CHIA: variants seen among roughly 807,000 people sequenced by gnomAD.
CHIA encodes acidic mammalian chitinase.
In CHIA, 47 loss-of-function variants were observed where a neutral mutation model predicts 53.5. The observed-to-expected ratio is 0.88, with a 90% CI of 0.70 to 1.12. The LOEUF is 1.12. Ranked by LOEUF, CHIA falls within the 50% of genes most tolerant of loss-of-function variation. The pLI is 0.00. For missense variants in CHIA, 652 were observed against 592.2 expected (o/e 1.10, Z -1.05); for synonymous variants, 268 against 222.2 (o/e 1.21, Z -1.83).
chr1:111,319,344 C>T lies in CHIA; in HGVS notation c.1053C>T (p.His351=). Residue 351 remains histidine, a synonymous_variant, in exon 11 of 12, where the codon CAC becomes CAT. Coordinates refer to ENST00000369740, the MANE Select transcript of CHIA (RefSeq NM_201653.4). ...SFDIKAQWLK[H]NKFGGAMVWA... ...TTAAACAGGCTCAATGGCTTAAGCA[C>T]AACAAATTTGGAGGCGCCATGGTCT... The T allele has an allele frequency of 2.5e-6, 4 of 1,614,196 alleles. No individual in the cohort carries two copies. The highest frequency in any genetic ancestry group is 3.4e-6 in the Non-Finnish European group (4 of 1,180,032).
rs140461957 is a variant in CHIA, at chr1:111,320,421, C to A, written c.1386C>A (p.Ala462=). The A allele has an allele frequency of 3.7e-6, 6 of 1,614,148 alleles. No individual in the cohort carries two copies. The highest frequency in any genetic ancestry group is 5.1e-6 in the Non-Finnish European group (6 of 1,180,014). ...NGVTYQQNCQ[A]GLVFDTSCDC... is the part of the protein sequence containing the mutation. The stretch of plus-strand genomic sequence containing the variant: ...TCACGTACCAGCAGAACTGCCAGGC[C>A]GGGCTTGTCTTCGACACCAGCTGTG... The change falls in exon 12 of 12, where the codon GCC becomes GCA. Residue 462 remains alanine, a synonymous_variant. Transcript: ENST00000369740.
Position 111,318,693 on chromosome 1 carries a change from C to A in CHIA, c.915+15C>A. On this transcript the variant is annotated intron_variant, in intron 9 of 11. Transcript: ENST00000369740. ...CTTACTACGAGGTATGTAGATTGGA[C>A]TGAAAAGTGCTCTGTGAATTCCGTG... is the stretch of plus-strand genomic sequence containing the variant. 6.2e-7 allele frequency: 1 copy of A among 1,604,796 alleles called. No homozygotes were observed.
intron 1 of CHIA, among the ~76,000 whole-genome samples, chr1:111,302,082 T>C (rs1480605015): frequency 6.6e-6 from 1 of 152,200 alleles, no homozygotes; most frequent in Non-Finnish European, 1.5e-5. Context: ...ATCCTTTTTA[T>C]TTTTTATAGT....
In CHIA at chr1:111,314,469, A is replaced by G; in HGVS notation, c.258-71A>G. On this transcript the variant is annotated intron_variant, in intron 4 of 11. Transcript: ENST00000369740. ...AAAATATCTGACCAGATCCAACACTAAAGCAATGTATTTTAAATGGAGGGA... is the reference window on the plus strand; with the variant it reads ...AAAATATCTGACCAGATCCAACACTGAAGCAATGTATTTTAAATGGAGGGA... 5 of 1,065,254 alleles carry G rather than the reference A, an allele frequency of 4.7e-6. No homozygotes were observed. The South Asian group carries it at 6.4e-5, about 14-fold the overall frequency. The allele number at this position is 1,065,254 out of a possible 1,614,324, so 66.0% of individuals were successfully genotyped here. A position where few individuals can be genotyped will look rare whatever the true frequency, so the allele number is the denominator to read the frequency against.
rs78500559 is a variant in CHIA, at chr1:111,295,383, T to C, written c.-69+4433T>C. The stretch of plus-strand genomic sequence containing the variant: ...TTACTAATTAAATCTCCTTAGTGGT[T>C]ATAAGTCTATTCTAATTTTCTATCT... On this transcript the variant is annotated intron_variant, in intron 1 of 11. Transcript: ENST00000369740. Among the ~76,000 whole-genome samples, 6 of 152,322 alleles carry C rather than the reference T, an allele frequency of 3.9e-5. No homozygotes were observed. In the East Asian group the frequency reaches 1.2e-3, roughly 29 times the overall value.
intron 8 of CHIA, 72 bp from the exon 9 acceptor site, chr1:111,318,421 T>C: frequency 1.6e-6 from 2 of 1,270,768 alleles, no homozygotes; most frequent in Non-Finnish European, 2.2e-6. Flanking sequence ...CCTGTCGGAA[T>C]AGGGGACTAA....
intron 3 of CHIA, 148 bp downstream of exon 3, chr1:111,311,866 C>G: frequency 2.4e-6 from 2 of 825,544 alleles, no homozygotes; most frequent in Admixed American, 3.8e-5. Flanking sequence ...CTGCTATCCT[C>G]TTCAGCATGA....
Position 111,311,863 on chromosome 1 carries a change from C to A in CHIA, c.55+145C>A. On this transcript the variant is annotated intron_variant, in intron 3 of 11. Transcript: ENST00000369740. ...GTTTTGGATTGGCTGTCACTGCTAT[C>A]CTCTTCAGCATGACCATCTGAATTA... 4.7e-6 allele frequency: 4 copies of A among 843,224 alleles called. No individual in the cohort carries two copies. The South Asian group carries it at 5.8e-5, about 12-fold the overall frequency. 52.2% of individuals were successfully genotyped at this position (843,224 alleles called of 1,614,324 possible). A position where few individuals can be genotyped will look rare whatever the true frequency, so the allele number is the denominator to read the frequency against.
At chr1:111,299,586 T>C (rs1348795888) in intron 1 of CHIA, among the ~76,000 whole-genome samples, 2 of 152,136 alleles carry the variant, frequency 1.3e-5, no homozygotes, top group Admixed American at 6.5e-5. Context: ...ATGGAATGTA[T>C]CTCAAAATAA....
chr1:111,316,133 C>T (rs1395704791), intron 6 of CHIA: 3 of 247,694 alleles, frequency 1.2e-5, no homozygotes, highest in Non-Finnish European at 2.4e-5. Context: ...CTGGTGTTAA[C>T]CAATTAAGTG....
chr1:111,312,803 T>C, intron 4 of CHIA, among the ~76,000 whole-genome samples: 1 of 143,570 alleles, frequency 7.0e-6, no homozygotes, highest in South Asian at 2.4e-4. Context: ...CCAACCCCCA[T>C]CCCCACACCA....
Position 111,290,939 on chromosome 1 carries a change from C to T in CHIA, c.-80C>T, listed in dbSNP as rs139768111. ...TTGCTTTCCAGTCTGGTGGTGAATCCTCCATAGTCTGGTGAGTGTAAATAT... is the reference window on the plus strand; with the variant it reads ...TTGCTTTCCAGTCTGGTGGTGAATCTTCCATAGTCTGGTGAGTGTAAATAT... On this transcript the variant is annotated 5_prime_UTR_variant, in exon 1 of 12. Transcript: ENST00000369740. The T allele has an allele frequency of 3.0e-4, 140 of 465,752 alleles. No individual in the cohort carries two copies. Among genetic ancestry groups the T allele is most frequent in the African/African-American group, 2.6e-3 (130 of 50,096 alleles). The allele number at this position is 465,752 out of a possible 1,614,324, so 28.9% of individuals were successfully genotyped here.
At chr1:111,306,108 A>G (rs1281163260) in intron 1 of CHIA, among the ~76,000 whole-genome samples, 1 of 152,184 alleles carries the variant, frequency 6.6e-6, no homozygotes, top group Non-Finnish European at 1.5e-5. Flanking sequence ...CAGGCAACCC[A>G]TTTTCATGGA....
Position 111,317,734 on chromosome 1 carries a change from G to A in CHIA, c.534G>A (p.Leu178=). Residue 178 remains leucine, a synonymous_variant, in exon 7 of 12, where the codon CTG becomes CTA. Transcript: ENST00000369740. ...CCAAGCAGATCAACAAGCCCAGGCT[G>A]ATGGTCACTGCTGCAGTAGCTGCTG... ...QEAKQINKPR[L]MVTAAVAAGI... 6.2e-7 allele frequency: 1 copy of A among 1,614,016 alleles called. No homozygotes were observed. Among genetic ancestry groups the A allele is most frequent in the Non-Finnish European group, 8.5e-7 (1 of 1,180,022 alleles).
rs750838913 is a variant in CHIA at position 111,320,387 on chromosome 1, T to C, written c.1352T>C (p.Val451Ala). 17 of 1,614,092 alleles carry C rather than the reference T, an allele frequency of 1.1e-5. No individual in the cohort carries two copies. The highest frequency in any genetic ancestry group is 6.6e-5 in the South Asian group (6 of 91,090). ...ANNRNAFWHC[V>A]NGVTYQQNCQ... ...AACAGAAATGCCTTCTGGCACTGCG[T>C]GAATGGAGTCACGTACCAGCAGAAC... The change falls in exon 12 of 12, where the codon GTG becomes GCG. Residue 451 changes from valine to alanine, a missense_variant. Val to Ala is a moderately conservative substitution (Grantham distance 64, BLOSUM62 0). Transcript: ENST00000369740.
At chr1:111,301,913 G>A (rs1647780284) in intron 1 of CHIA, among the ~76,000 whole-genome samples, 1 of 151,992 alleles carries the variant, frequency 6.6e-6, no homozygotes, top group Non-Finnish European at 1.5e-5. Context: ...GCGGGGTGGG[G>A]GATTGGGGGA....
intron 1 of CHIA, among the ~76,000 whole-genome samples, chr1:111,296,210 A>T (rs4838903): frequency 0.28 from 42,346 of 152,128 alleles, 6,186 homozygotes; most frequent in East Asian, 0.36. Flanking sequence ...AGAGCAGTGG[A>T]TCTCCCAGCA....
intron 2 of CHIA, 71 bp from the exon 3 acceptor site, chr1:111,311,618 A>T (rs1571290465): frequency 6.5e-7 from 1 of 1,548,346 alleles, no homozygotes; most frequent in Middle Eastern, 1.7e-4. Context: ...GAAGGCAATC[A>T]ATCCTTCAGA....
Position 111,315,431 on chromosome 1 carries a change from T to G in CHIA, c.476T>G (p.Val159Gly), listed in dbSNP as rs199990081. The change falls in exon 6 of 12, where the codon GTG becomes GGG. Residue 159 changes from valine to glycine, a missense_variant. Transcript: ENST00000369740. ...GACAAGCATCTCTTCACTGTCCTGG[T>G]GCAGGTGGGGAAGGAAGTCCCAGTC... ...PQDKHLFTVL[V>G]QEMREAFEQE... 116 of 1,612,136 alleles carry G rather than the reference T, an allele frequency of 7.2e-5. No homozygotes were observed. In the African/African-American group the frequency reaches 1.3e-3, roughly 18 times the overall value.
Sources: gnomAD v4.1 joint callset for allele counts (sites outside exome capture counted in the v4.1 genomes callset) on GRCh38, gnomAD v4.1.1 for gene constraint, MANE v1.5 for transcripts, NCBI Gene and HGNC (gene_info 2026-07-23, HGNC 2026-07-21) for gene names.